Variants in DCTN4 observed in about 807,000 individuals in gnomAD.
DCTN4 encodes the protein dynactin 4 (p62).
In DCTN4, 23 loss-of-function variants were observed where a neutral mutation model predicts 62.7. The observed-to-expected ratio is 0.37, with a 90% CI of 0.26 to 0.52. DCTN4 has a LOEUF of 0.52. DCTN4 is among the 20% of genes least tolerant of loss of function. DCTN4 has a pLI of 0.92. For synonymous variants in DCTN4, 199 were observed against 202.1 expected (o/e 0.98, Z 0.13); for missense variants, 514 against 580.4 (o/e 0.89, Z 1.18).
chr5:150,756,518 CAG>C, intron 1 of DCTN4, 31 bp from the exon 2 acceptor site: 1 of 1,422,594 alleles, frequency 7.0e-7, no homozygotes, highest in Non-Finnish European at 9.7e-7. Flanking sequence ...AAAAAAAAAC[CAG>C]AGGAGAACTC....
chr5:150,733,510 G>T, intron 4 of DCTN4, 35 bp from the exon 5 acceptor site: 2 of 1,512,236 alleles, frequency 1.3e-6, no homozygotes, highest in Non-Finnish European at 1.8e-6. Flanking sequence ...ACACAAAAAA[G>T]CTAACAGAAA....
At chr5:150,741,149 A>G (rs1760753728) in intron 4 of DCTN4, among the ~76,000 whole-genome samples, 1 of 142,910 alleles carries the variant, frequency 7.0e-6, no homozygotes, top group Non-Finnish European at 1.5e-5. Flanking sequence ...TGGGTGACAG[A>G]GTGAGATCCT....
intron 11 of DCTN4, among the ~76,000 whole-genome samples, chr5:150,717,508 A>ACT: frequency 6.6e-6 from 1 of 152,336 alleles, no homozygotes; most frequent in Middle Eastern, 3.4e-3. Context: ...TTGGCCTCCC[A>ACT]AAGTGCTAGG....
chr5:150,713,889 G>C (rs1459586413), intron 12 of DCTN4, among the ~76,000 whole-genome samples: 1 of 152,000 alleles, frequency 6.6e-6, no homozygotes, highest in Admixed American at 6.5e-5. Flanking sequence ...GACCAAGTCG[G>C]GTGGATCACT....
chr5:150,753,384 C>T (rs1475484172), intron 3 of DCTN4, 95 bp downstream of exon 3: 19 of 1,098,380 alleles, frequency 1.7e-5, no homozygotes, highest in Non-Finnish European at 2.5e-5. Context: ...GAATTTAGCT[C>T]CTATCGCCCC....
At chr5:150,749,394 A>T (rs1236989811) in intron 3 of DCTN4, among the ~76,000 whole-genome samples, 2 of 152,110 alleles carry the variant, frequency 1.3e-5, no homozygotes. Context: ...ACCACAGTGA[A>T]GTACTGCTGT....
intron 11 of DCTN4, among the ~76,000 whole-genome samples, chr5:150,716,476 G>A (rs1292347057): frequency 6.6e-6 from 1 of 152,106 alleles, no homozygotes; most frequent in African/African-American, 2.4e-5. Flanking sequence ...TCTATCAGAG[G>A]TTAACAGTTA....
chr5:150,730,651 T>C lies in DCTN4; in HGVS notation c.814A>G (p.Lys272Glu). The change falls in exon 8 of 13, where the codon AAA becomes GAA. Residue 272 changes from lysine (K) to glutamate (E), a missense_variant. Physicochemically the swap from Lys to Glu is moderately conservative, Grantham distance 56 (BLOSUM62 1). Coordinates refer to ENST00000447998, the MANE Select transcript of DCTN4 (RefSeq NM_016221.4). ...CTTACACGGCAGCGCAGGGACCGTT[T>C]GATCAGAAGATGTTTGTGGCGAGGA... ...LYPRHKHLLIKRSLRCRKCEH... is the reference protein window; with the variant it reads ...LYPRHKHLLIERSLRCRKCEH... 6.2e-7 allele frequency: 1 copy of C among 1,614,028 alleles called. No individual in the cohort carries two copies. Among genetic ancestry groups the C allele is most frequent in the Non-Finnish European group, 8.5e-7 (1 of 1,179,920 alleles).
At chr5:150,711,513 T>C in intron 12 of DCTN4, 151 bp from the exon 13 acceptor site, 1 of 690,996 alleles carries the variant, frequency 1.4e-6, no homozygotes, top group Admixed American at 2.9e-5. Flanking sequence ...AGTATTTTTT[T>C]GTTTTGTTTT....
intron 4 of DCTN4, among the ~76,000 whole-genome samples, chr5:150,740,443 A>C (rs1760728118): frequency 6.6e-6 from 1 of 152,206 alleles, no homozygotes. Flanking sequence ...ACACTTTTAC[A>C]CTGTTGGTGA....
chr5:150,714,342 T>C lies in DCTN4; in HGVS notation c.1169+1223A>G, dbSNP rs1007489762. Among the ~76,000 whole-genome samples the C allele has an allele frequency of 5.9e-5, 9 of 151,974 alleles. No homozygotes were observed. In the East Asian group the frequency reaches 1.5e-3, roughly 26 times the overall value. ...TGCTCTTCCTTTAGAGATTCCTGTT[T>C]GCTTGTGGTCCCTGTTCCCTGTGGC... On this transcript the variant is annotated intron_variant, in intron 12 of 12. Transcript: ENST00000447998.
At chr5:150,715,127 T>C (rs1210222343) in intron 12 of DCTN4, among the ~76,000 whole-genome samples, 4 of 139,558 alleles carry the variant, frequency 2.9e-5, no homozygotes, top group African/African-American at 1.1e-4. Flanking sequence ...AGTTATTAGA[T>C]ATGAGAGAGT....
chr5:150,726,407 T>G (rs187242315), intron 8 of DCTN4, among the ~76,000 whole-genome samples: 1 of 152,302 alleles, frequency 6.6e-6, no homozygotes, highest in Non-Finnish European at 1.5e-5. Flanking sequence ...AGAGATATTG[T>G]GTAGTTTAAA....
At chr5:150,721,937 A>C (rs931101031) in intron 9 of DCTN4, among the ~76,000 whole-genome samples, 8 of 152,044 alleles carry the variant, frequency 5.3e-5, no homozygotes, top group African/African-American at 1.9e-4. Flanking sequence ...GGGTCCTCTC[A>C]CCTCAGACTC....
chr5:150,718,284 T>C lies in DCTN4; in HGVS notation c.1063A>G (p.Thr355Ala), dbSNP rs117873033. The C allele has an allele frequency of 2.0e-4, 323 of 1,612,584 alleles. 1 individual carries two copies. In the East Asian group the frequency reaches 7.1e-3, roughly 35 times the overall value. ...EEGDPDDINS[T>A]AKVVVPPKEL... ...AGGCAAAATGCTCCTACCTTAGCAG[T>C]GCTGTTGATATCATCAGGGTCCCCC... The change falls in exon 11 of 13, where the codon ACT becomes GCT. Residue 355 changes from threonine (T) to alanine (A), a missense_variant. Physicochemically the swap from Thr to Ala is moderately conservative, Grantham distance 58. Coordinates refer to ENST00000447998, the MANE Select transcript of DCTN4 (RefSeq NM_016221.4).
intron 5 of DCTN4, chr5:150,731,862 C>A (rs936104568): frequency 3.9e-6 from 6 of 1,550,562 alleles, no homozygotes; most frequent in Non-Finnish European, 5.2e-6. Context: ...TCAGGGTCAG[C>A]AAGAATCATA....
chr5:150,739,707 C>T (rs1760703245), intron 4 of DCTN4, among the ~76,000 whole-genome samples: 1 of 152,138 alleles, frequency 6.6e-6, no homozygotes, highest in Non-Finnish European at 1.5e-5. Context: ...ACCAACGCAG[C>T]ATAATACTGG....
intron 4 of DCTN4, among the ~76,000 whole-genome samples, chr5:150,740,603 C>T (rs762026885): frequency 6.6e-6 from 1 of 152,120 alleles, no homozygotes; most frequent in Non-Finnish European, 1.5e-5. Flanking sequence ...CTTGCCTGCA[C>T]GTTTATAGCA....
rs1360637742 is a variant in DCTN4 at position 150,731,415 on chromosome 5, C to T, written c.611+1G>A. ...CAAAGTCATTTCATGTCTAAACTTA[C>T]GAAAGTCCGGCAAGGGTACTGATGG... is the stretch of plus-strand genomic sequence containing the variant. On this transcript the variant is annotated splice_donor_variant, in intron 6 of 12. Coordinates refer to ENST00000447998, the MANE Select transcript of DCTN4 (RefSeq NM_016221.4). LOFTEE classifies it high-confidence loss of function. 4.3e-6 allele frequency: 7 copies of T among 1,613,468 alleles called. No homozygotes were observed. Among genetic ancestry groups the T allele is most frequent in the Admixed American group, 3.3e-5 (2 of 59,960 alleles).
Sources: allele counts gnomAD v4.1 joint callset (sites outside exome capture counted in the v4.1 genomes callset), GRCh38; gene constraint gnomAD v4.1.1; transcripts MANE v1.5; gene names NCBI Gene and HGNC (gene_info 2026-07-23, HGNC 2026-07-21).